The following EXD1 variants were observed in gnomAD, a reference collection of about 807,000 sequenced individuals.
EXD1 encodes piRNA biogenesis protein EXD1.
A neutral mutation model predicts 49.1 loss-of-function variants in EXD1; 63 were observed. That is an observed-to-expected ratio of 1.28 (90% CI 1.05 to 1.58). The LOEUF (loss-of-function observed/expected upper bound fraction) is 1.58, where lower values mean the gene tolerates loss of function less well. EXD1 is among the 40% of genes most tolerant of loss of function. The pLI is 0.00. For synonymous variants in EXD1, 234 were observed against 239.2 expected (o/e 0.98, Z 0.20); for missense variants, 748 against 666.0 (o/e 1.12, Z -1.36).
chr15:41,218,035 G>A (rs945517572), intron 3 of EXD1, among the ~76,000 whole-genome samples: 2 of 152,148 alleles, frequency 1.3e-5, no homozygotes, highest in Non-Finnish European at 2.9e-5. Context: ...TGGGCCACAG[G>A]ACAAAGACAG....
chr15:41,192,727 AC>A (rs1336559284), intron 9 of EXD1, among the ~76,000 whole-genome samples: 1 of 135,404 alleles, frequency 7.4e-6, no homozygotes, highest in East Asian at 2.2e-4. Context: ...GGATCTTCCC[AC>A]CTCAGCCTCG....
At chr15:41,199,739 G>GTGATATAATATA (rs1566980686) in intron 7 of EXD1, among the ~76,000 whole-genome samples, 4 of 79,378 alleles carry the variant, frequency 5.0e-5, no homozygotes, top group Non-Finnish European at 9.4e-5. Flanking sequence ...TGATATATAT[G>GTGATATAATATA]TCATATATTA....
At chr15:41,219,694 C>A in intron 3 of EXD1, 136 bp downstream of exon 3, 1 of 662,880 alleles carries the variant, frequency 1.5e-6, no homozygotes, top group Non-Finnish European at 2.5e-6. Context: ...CATAGAGTAC[C>A]CACAGAAGCA....
At position 41,191,578 on chromosome 15, in the gene EXD1, T is replaced by C; in HGVS notation, c.728A>G (p.Asp243Gly). The part of the protein sequence containing the change: ...LNNVFDTQVA[D>G]VLQFSMETGG... The stretch of plus-strand genomic sequence containing the variant: ...CGTTTCCATGGAAAACTGAAGTACA[T>C]CTGCTACCTGTGGTATTTTAAAAAG... Residue 243 changes from aspartate (D) to glycine (G), a missense_variant, in exon 10 of 12, where the codon GAT (aspartate) becomes GGT (glycine). By Grantham distance (94) the Asp-to-Gly change is moderately conservative. Coordinates refer to ENST00000458580, the MANE Select transcript of EXD1 (RefSeq NM_001286441.2). The C allele has an allele frequency of 1.9e-6, 3 of 1,613,934 alleles. No homozygotes were observed. Among genetic ancestry groups the C allele is most frequent in the Non-Finnish European group, 2.5e-6 (3 of 1,179,932 alleles).
intron 7 of EXD1, among the ~76,000 whole-genome samples, chr15:41,198,458 A>G (rs1409573219): frequency 6.6e-6 from 1 of 152,010 alleles, no homozygotes; most frequent in Non-Finnish European, 1.5e-5. Context: ...TTGGGAGGCC[A>G]AGGTAGGAGG....
Position 41,226,496 on chromosome 15 carries a change from A to G in EXD1, c.80T>C (p.Phe27Ser). Reference sequence around the variant, plus strand: ...GTCAACATGCTGAAGCACACCCTCGAAGACACCACAGACCAATGTGAGTTT... The same window carrying G: ...GTCAACATGCTGAAGCACACCCTCGGAGACACCACAGACCAATGTGAGTTT... ...RVKLTLVCGV[F>S]EGVLQHVDPN... Residue 27 changes from phenylalanine (F) to serine (S), a missense_variant, in exon 2 of 12, where the codon TTC becomes TCC. Transcript: ENST00000458580. The G allele has an allele frequency of 1.3e-6, 2 of 1,536,102 alleles. No individual in the cohort carries two copies. Among genetic ancestry groups the G allele is most frequent in the Non-Finnish European group, 1.7e-6 (2 of 1,146,898 alleles).
rs1566971373 is a variant in EXD1 at position 41,185,361 on chromosome 15, T to TGTTTTG, written c.1057-769_1057-768insCAAAAC. Among the ~76,000 whole-genome samples, 229 of 142,054 alleles carry TGTTTTG rather than the reference T, an allele frequency of 1.6e-3. 1 individual carries two copies. The highest frequency in any genetic ancestry group is 5.8e-3 in the African/African-American group (216 of 37,446). The allele number at this position is 142,054 out of a possible 152,430, so 93.2% of individuals were successfully genotyped here. ...TTTTTGTTTTGTTTTGTTTTGATTT[T>TGTTTTG]TTTAGACAGGGTCTTGCTCTGTTGC... On this transcript the variant is annotated intron_variant, in intron 11 of 11. Coordinates refer to ENST00000458580, the MANE Select transcript of EXD1 (RefSeq NM_001286441.2).
At chr15:41,186,726 A>G (rs544127012) in intron 11 of EXD1, among the ~76,000 whole-genome samples, 76 of 152,006 alleles carry the variant, frequency 5.0e-4, no homozygotes, top group African/African-American at 1.8e-3. Context: ...TATACTTTAA[A>G]TCATCCTTAC....
chr15:41,199,602 T>TTA (rs1466064603), intron 7 of EXD1, among the ~76,000 whole-genome samples: 4 of 80,526 alleles, frequency 5.0e-5, no homozygotes, highest in African/African-American at 4.0e-4. Flanking sequence ...TTTATATATA[T>TTA]TATATATTAT....
chr15:41,183,163 A>ATG lies in EXD1; in HGVS notation c.*767_*768insCA, dbSNP rs2046348829. ...AAATTAGCCGGGCGTGGTGGCACGC[A>ATG]CCTGTAATCCCAGCTACTCAGGAGG... On this transcript the variant is annotated 3_prime_UTR_variant, in exon 12 of 12. Coordinates refer to ENST00000458580, the MANE Select transcript of EXD1 (RefSeq NM_001286441.2). 2.6e-5 allele frequency: 4 copies of ATG among 152,250 alleles called. No individual in the cohort carries two copies. Among genetic ancestry groups the ATG allele is most frequent in the Admixed American group, 1.3e-4 (2 of 15,270 alleles). 9.4% of individuals were successfully genotyped at this position (152,250 alleles called of 1,614,324 possible).
intron 7 of EXD1, among the ~76,000 whole-genome samples, chr15:41,205,605 C>A (rs67531333): frequency 6.6e-6 from 1 of 151,480 alleles, no homozygotes; most frequent in South Asian, 2.1e-4. Flanking sequence ...TGGTGAAACC[C>A]TGTCTCCACA....
rs1193096547 is a variant in EXD1, at chr15:41,195,759, GCTTCCCTTCATGTA to G, written c.720+2_720+15del. 2 of 1,606,262 alleles carry G rather than the reference GCTTCCCTTCATGTA, an allele frequency of 1.2e-6. No individual in the cohort carries two copies. The highest frequency in any genetic ancestry group is 3.4e-5 in the Admixed American group (2 of 58,550). Reference sequence around the variant, plus strand: ...CTGTATATACTGGTTTGAATCCAGTGCTTCCCTTCATGTACCTGTGTGTCAAAGACATTATTCAG... The same window carrying G: ...CTGTATATACTGGTTTGAATCCAGTGCCTGTGTGTCAAAGACATTATTCAG... On this transcript the variant is annotated splice_donor_variant and splice_donor_5th_base_variant and intron_variant, in intron 9 of 11. Coordinates refer to ENST00000458580, the MANE Select transcript of EXD1 (RefSeq NM_001286441.2). LOFTEE classifies it high-confidence loss of function.
intron 2 of EXD1, among the ~76,000 whole-genome samples, chr15:41,220,976 G>T (rs1052356258): frequency 2.6e-5 from 4 of 151,940 alleles, no homozygotes; most frequent in Admixed American, 6.6e-5. Context: ...CCAAAGTACT[G>T]GGATTACAGG....
chr15:41,208,906 C>G (rs976166355), intron 7 of EXD1, among the ~76,000 whole-genome samples: 1 of 151,616 alleles, frequency 6.6e-6, no homozygotes, highest in Non-Finnish European at 1.5e-5. Flanking sequence ...GGTGATAGAA[C>G]AGAACTGGGA....
chr15:41,220,237 C>A (rs10152631), intron 2 of EXD1, among the ~76,000 whole-genome samples: 19,363 of 151,244 alleles, frequency 0.13, 1,428 homozygotes, highest in South Asian at 0.27. Context: ...TTTTACTCCA[C>A]TTAACTCCAG....
Position 41,184,289 on chromosome 15 carries a change from G to A in EXD1, c.1361C>T (p.Pro454Leu). The change falls in exon 12 of 12, where the codon CCT (proline) becomes CTT (leucine). Residue 454 changes from proline to leucine, a missense_variant. Transcript: ENST00000458580. ...NKQATNPQHL[P>L]PTEEGETSED... Reference sequence around the variant, plus strand: ...ACTGGTTTCCCCTTCCTCTGTGGGAGGTAGATGTTGAGGATTTGTAGCTTG... The same window carrying A: ...ACTGGTTTCCCCTTCCTCTGTGGGAAGTAGATGTTGAGGATTTGTAGCTTG... The A allele has an allele frequency of 6.2e-7, 1 of 1,614,158 alleles. No individual in the cohort carries two copies. Among genetic ancestry groups the A allele is most frequent in the Non-Finnish European group, 8.5e-7 (1 of 1,180,036 alleles).
chr15:41,216,828 T>C (rs2047007093), intron 4 of EXD1, 33 bp from the exon 5 acceptor site: 6 of 1,608,000 alleles, frequency 3.7e-6, no homozygotes, highest in African/African-American at 1.3e-5. Flanking sequence ...TTGGGTGAAC[T>C]TGTTCTTTGT....
At chr15:41,208,285 C>T (rs186230766) in intron 7 of EXD1, among the ~76,000 whole-genome samples, 3 of 147,360 alleles carry the variant, frequency 2.0e-5, no homozygotes, top group African/African-American at 5.0e-5. Flanking sequence ...AACCCCAGCA[C>T]TTTGCGGTTA....
chr15:41,217,797 G>C (rs997241051), intron 3 of EXD1, among the ~76,000 whole-genome samples: 5 of 152,078 alleles, frequency 3.3e-5, no homozygotes, highest in African/African-American at 1.2e-4. Context: ...GCCTCCCTAA[G>C]TGCTGGGATT....
Sources: gnomAD v4.1 joint callset for allele counts (sites outside exome capture counted in the v4.1 genomes callset) on GRCh38, gnomAD v4.1.1 for gene constraint, MANE v1.5 for transcripts, NCBI Gene and HGNC (gene_info 2026-07-23, HGNC 2026-07-21) for gene names.